Variants in GPHN observed in about 807,000 individuals in gnomAD.
GPHN encodes gephyrin.
In GPHN, 17 loss-of-function variants were observed where a neutral mutation model predicts 95.5. The observed-to-expected ratio is 0.18, with a 90% CI of 0.12 to 0.27. The LOEUF (loss-of-function observed/expected upper bound fraction) is 0.27. Among genes scored for constraint, GPHN ranks in the 10% least tolerant of loss-of-function variants. The probability of loss-of-function intolerance (pLI) is 1.00; values close to 1 mark genes in which losing one functional copy is unlikely to be tolerated. For synonymous variants in GPHN, 320 were observed against 322.5 expected, an observed-to-expected ratio of 0.99 and a Z score of 0.08; for missense variants, 660 against 978.1, an observed-to-expected ratio of 0.67 and a Z score of 4.34.
chr14:66,957,179 C>A (rs140453651), intron 8 of GPHN, among the ~76,000 whole-genome samples: 2,377 of 116,420 alleles, frequency 0.02, 60 homozygotes, highest in Non-Finnish European at 0.032. Flanking sequence ...TCTCAAATTT[C>A]TTTCTTTCTT....
the GPHN span, among the ~76,000 whole-genome samples, chr14:67,415,087 C>CA: frequency 6.6e-6 from 1 of 152,148 alleles, no homozygotes. Context: ...GAAAAGACTT[C>CA]AAAAAATCCT....
intron 8 of GPHN, among the ~76,000 whole-genome samples, chr14:66,946,617 C>G (rs2067770913): frequency 6.6e-6 from 1 of 152,130 alleles, no homozygotes; most frequent in African/African-American, 2.4e-5. Flanking sequence ...GTTGGCCAGG[C>G]TGGTCTCGAA....
intron 1 of GPHN, among the ~76,000 whole-genome samples, chr14:66,562,459 G>T (rs138455025): frequency 6.6e-6 from 1 of 151,918 alleles, no homozygotes; most frequent in African/African-American, 2.4e-5. Context: ...TTTGTCAATT[G>T]TACCTTAACA....
chr14:67,184,068 G>A (rs974029897), downstream of GPHN, among the ~76,000 whole-genome samples: 4 of 151,746 alleles, frequency 2.6e-5, no homozygotes, highest in East Asian at 1.9e-4. Context: ...CAAGTGATCC[G>A]CCCATCTCAG....
chr14:67,166,681 T>G (rs191497310), intron 20 of GPHN, among the ~76,000 whole-genome samples: 140 of 152,280 alleles, frequency 9.2e-4, no homozygotes, highest in African/African-American at 3.2e-3. Context: ...TTTGTTTGTT[T>G]GTTTTTGAGA....
At chr14:66,746,163 G>T (rs995634884) in intron 2 of GPHN, among the ~76,000 whole-genome samples, 2 of 152,100 alleles carry the variant, frequency 1.3e-5, no homozygotes, top group African/African-American at 4.8e-5. Flanking sequence ...GTTTTGGTAT[G>T]AACATAAGTT....
the GPHN span, among the ~76,000 whole-genome samples, chr14:67,590,979 GA>G: frequency 3.3e-5 from 5 of 151,880 alleles, no homozygotes; most frequent in African/African-American, 1.2e-4. Flanking sequence ...TTTACACAAT[GA>G]AATGTAATAA....
chr14:67,016,328 A>G (rs1179267813), intron 9 of GPHN, among the ~76,000 whole-genome samples: 2 of 152,070 alleles, frequency 1.3e-5, no homozygotes, highest in Admixed American at 6.5e-5. Flanking sequence ...AAACTGCAAT[A>G]TAATAATAAA....
chr14:67,474,914 C>CTTTTTTTTTTTTTT, the GPHN span, among the ~76,000 whole-genome samples: 1 of 124,958 alleles, frequency 8.0e-6, no homozygotes, highest in Non-Finnish European at 1.6e-5. Context: ...GAATTTCCTT[C>CTTTTTTTTTTTTTT]TTTTTTTTTT....
chr14:66,552,080 T>C (rs760665326), intron 1 of GPHN, among the ~76,000 whole-genome samples: 3 of 152,214 alleles, frequency 2.0e-5, no homozygotes, highest in Non-Finnish European at 2.9e-5. Flanking sequence ...AATCATGAAG[T>C]CATCTTAGAC....
At chr14:67,719,463 GTTTA>G in the GPHN span, among the ~76,000 whole-genome samples, 3 of 152,028 alleles carry the variant, frequency 2.0e-5, no homozygotes, top group Non-Finnish European at 4.4e-5. Context: ...TTGCTGAAAA[GTTTA>G]TTTATTTTTT....
At chr14:67,550,979 A>G in the GPHN span, among the ~76,000 whole-genome samples, 1 of 152,244 alleles carries the variant, frequency 6.6e-6, no homozygotes, top group Non-Finnish European at 1.5e-5. Flanking sequence ...TACAGTGCTT[A>G]TGACAGTGGC....
chr14:67,421,359 G>A, the GPHN span, among the ~76,000 whole-genome samples: 14 of 152,144 alleles, frequency 9.2e-5, no homozygotes, highest in Admixed American at 3.9e-4. Flanking sequence ...CTTGAACATC[G>A]GGATTGTCAG....
intron 17 of GPHN, among the ~76,000 whole-genome samples, chr14:67,130,280 C>T (rs2079619729): frequency 6.6e-6 from 1 of 152,122 alleles, no homozygotes; most frequent in South Asian, 2.1e-4. Flanking sequence ...TCCTTCCCTC[C>T]TCTAGTAGTT....
the GPHN span, among the ~76,000 whole-genome samples, chr14:67,572,810 C>G: frequency 6.6e-6 from 1 of 152,222 alleles, no homozygotes; most frequent in African/African-American, 2.4e-5. Context: ...CATCATCTCC[C>G]TGGCTCCATG....
intron 4 of GPHN, among the ~76,000 whole-genome samples, chr14:66,843,718 G>A (rs2062192003): frequency 6.6e-6 from 1 of 152,084 alleles, no homozygotes; most frequent in Non-Finnish European, 1.5e-5. Context: ...ATAGGAAAAT[G>A]CTTTGCTATC....
At chr14:67,168,364 G>A (rs1339129326) in intron 20 of GPHN, among the ~76,000 whole-genome samples, 1 of 151,936 alleles carries the variant, frequency 6.6e-6, no homozygotes, top group Non-Finnish European at 1.5e-5. Flanking sequence ...CAATCATATT[G>A]GAGTTATAGC....
At chr14:67,407,585 C>T in the GPHN span, among the ~76,000 whole-genome samples, 6 of 151,952 alleles carry the variant, frequency 3.9e-5, no homozygotes, top group East Asian at 5.8e-4. Flanking sequence ...GGACTACAAG[C>T]GAGTACCACC....
chr14:67,636,229 G>A, the GPHN span, among the ~76,000 whole-genome samples: 1 of 151,784 alleles, frequency 6.6e-6, no homozygotes. Context: ...AGGGGTCACA[G>A]CAGTAGGGAG....
Sources: allele counts gnomAD v4.1 joint callset (sites outside exome capture counted in the v4.1 genomes callset), GRCh38; gene constraint gnomAD v4.1.1; transcripts MANE v1.5; gene names NCBI Gene and HGNC (gene_info 2026-07-23, HGNC 2026-07-21).